CCNA2: variants seen among roughly 807,000 people sequenced by gnomAD.
CCNA2 encodes the protein cyclin-A2.
CCNA2 carries 3 observed loss-of-function variants against 49.4 expected under a neutral mutation model. The ratio of observed to expected loss-of-function variants is 0.06; its 90% CI spans 0.03 to 0.16. The LOEUF is 0.16. CCNA2 is among the 10% of genes least tolerant of loss of function. CCNA2 has a pLI of 1.00. For missense variants in CCNA2, 372 were observed against 519.7 expected (o/e 0.72, Z 2.76); for synonymous variants, 206 against 197.2 (o/e 1.04, Z -0.37).
Position 121,823,432 on chromosome 4 carries a change from C to G in CCNA2, c.197G>C (p.Arg66Thr). 6.2e-7 allele frequency: 1 copy of G among 1,612,370 alleles called. No individual in the cohort carries two copies. Among genetic ancestry groups the G allele is most frequent in the Non-Finnish European group, 8.5e-7 (1 of 1,179,142 alleles). ...TCCCTTTACCCGTCTCGTCTTCGGC[C>G]TCTGCTGCTGCGCTAGACCCCGCGG... is the stretch of plus-strand genomic sequence containing the variant. ...GNPRGLAQQQRPKTRRVAPLK... is the reference protein window; with the variant it reads ...GNPRGLAQQQTPKTRRVAPLK... Residue 66 changes from arginine (R) to threonine (T), a missense_variant, in exon 1 of 8, where the codon AGG becomes ACG. This residue lies in a region of CCNA2 where 217 missense variants were observed against 231.7 expected (regional missense o/e 0.94). Coordinates refer to ENST00000274026, the MANE Select transcript of CCNA2 (RefSeq NM_001237.5).
chr4:121,818,608 AT>A lies in CCNA2; in HGVS notation c.1116+191del, dbSNP rs1724610522. 3.3e-5 allele frequency among the ~76,000 whole-genome samples: 5 copies of A among 152,168 alleles called. No individual in the cohort carries two copies. The South Asian group carries it at 8.3e-4, about 25-fold the overall frequency. ...ATACTGTAGTTTCAGTCCACATTTGATTGGAAAAAAATCCATGTGTAAGTGG... is the reference window on the plus strand; with the variant it reads ...ATACTGTAGTTTCAGTCCACATTTGATGGAAAAAAATCCATGTGTAAGTGG... On this transcript the variant is annotated intron_variant, in intron 6 of 7. Coordinates refer to ENST00000274026, the MANE Select transcript of CCNA2 (RefSeq NM_001237.5).
intron 5 of CCNA2, 65 bp downstream of exon 5, chr4:121,819,307 G>GA: frequency 8.1e-7 from 1 of 1,228,340 alleles, no homozygotes; most frequent in Non-Finnish European, 1.2e-6. Flanking sequence ...CTTTACAAAG[G>GA]AATTAGGGCT....
chr4:121,816,982 T>A lies in CCNA2; in HGVS notation c.*656A>T, dbSNP rs534409022. 2.1e-5 allele frequency: 20 copies of A among 967,958 alleles called. No individual in the cohort carries two copies. The highest frequency in any genetic ancestry group is 2.8e-5 in the Non-Finnish European group (19 of 689,702). 60.0% of individuals were successfully genotyped at this position (967,958 alleles called of 1,614,324 possible). Reference sequence around the variant, plus strand: ...TAGCAGGATTTTAAAAATAGTTTTTTGTTTTTAATGTGCTTTAAAATAATA... The same window carrying A: ...TAGCAGGATTTTAAAAATAGTTTTTAGTTTTTAATGTGCTTTAAAATAATA... On this transcript the variant is annotated 3_prime_UTR_variant, in exon 8 of 8. Transcript: ENST00000274026.
At chr4:121,818,242 A>C in intron 6 of CCNA2, 65 bp from the exon 7 acceptor site, 1 of 1,419,804 alleles carries the variant, frequency 7.0e-7, no homozygotes, top group African/African-American at 1.4e-5. Flanking sequence ...CACAGTAAAT[A>C]GTTGGCATTA....
Position 121,823,660 on chromosome 4 carries a change from C to T in CCNA2, c.-32G>A. The T allele has an allele frequency of 6.5e-7, 1 of 1,537,338 alleles. No homozygotes were observed. The highest frequency in any genetic ancestry group is 8.7e-7 in the Non-Finnish European group (1 of 1,145,708). ...TCCCGGGAGTGGACGGCGGGATCAGCCTGCGGCGCCAAGCAGCGTGCACTC... is the reference window on the plus strand; with the variant it reads ...TCCCGGGAGTGGACGGCGGGATCAGTCTGCGGCGCCAAGCAGCGTGCACTC... On this transcript the variant is annotated 5_prime_UTR_variant, in exon 1 of 8. Coordinates refer to ENST00000274026, the MANE Select transcript of CCNA2 (RefSeq NM_001237.5).
rs1724566315 is a variant in CCNA2 at position 121,817,431 on chromosome 4, C to CTT, written c.*205_*206dup. The CTT allele has an allele frequency of 2.0e-6, 1 of 497,586 alleles. No homozygotes were observed. Among genetic ancestry groups the CTT allele is most frequent in the Admixed American group, 3.8e-5 (1 of 26,544 alleles). The allele number at this position is 497,586 out of a possible 1,614,324, so 30.8% of individuals were successfully genotyped here. A position where few individuals can be genotyped will look rare whatever the true frequency, so the allele number is the denominator to read the frequency against. The stretch of plus-strand genomic sequence containing the variant: ...CATCATTAATACTTTAACAAAACCA[C>CTT]TTAAAATTAGCCAAATATCTAAGAC... On this transcript the variant is annotated 3_prime_UTR_variant, in exon 8 of 8. Coordinates refer to ENST00000274026, the MANE Select transcript of CCNA2 (RefSeq NM_001237.5).
intron 6 of CCNA2, among the ~76,000 whole-genome samples, chr4:121,818,460 A>G (rs3217770): frequency 0.04 from 6,140 of 152,236 alleles, 403 homozygotes; most frequent in African/African-American, 0.14. Context: ...CTTAAACAGT[A>G]TATAATCATC....
chr4:121,823,205 CG>C (rs1253329607), intron 1 of CCNA2, among the ~76,000 whole-genome samples: 1 of 152,070 alleles, frequency 6.6e-6, no homozygotes, highest in African/African-American at 2.4e-5. Flanking sequence ...GAGAGCAGAC[CG>C]GCAGCATACA....
At chr4:121,822,936 T>C (rs957290246) in intron 1 of CCNA2, among the ~76,000 whole-genome samples, 1 of 152,104 alleles carries the variant, frequency 6.6e-6, no homozygotes, top group South Asian at 2.1e-4. Flanking sequence ...AGCAAAAAAA[T>C]TGTTGGTTCA....
At position 121,820,713 on chromosome 4, in the gene CCNA2, T is replaced by C; in HGVS notation, c.623A>G (p.Asn208Ser). 2 of 1,614,052 alleles carry C rather than the reference T, an allele frequency of 1.2e-6. No individual in the cohort carries two copies. Among genetic ancestry groups the C allele is most frequent in the South Asian group, 1.1e-5 (1 of 91,072 alleles). The change falls in exon 4 of 8, where the codon AAC becomes AGC. Residue 208 changes from asparagine to serine, a missense_variant. Asn to Ser is a conservative substitution (Grantham distance 46, BLOSUM62 1). Transcript: ENST00000274026. This position sits in a 1 kb window ranked among gnomAD's most constrained non-coding sequence, Gnocchi z 4.1. ...GTCCACGAGGATAGCTCTCATACTG[T>C]TAGTGATGTCTGGCTGTTTCTTCAT... ...GYMKKQPDIT[N>S]SMRAILVDWL...
At position 121,823,787 on chromosome 4, in the gene CCNA2, G is replaced by C. The variant is rs769238; in HGVS notation, c.-159C>G. The C allele has an allele frequency of 2.0e-5, 27 of 1,370,864 alleles. No individual in the cohort carries two copies. Among genetic ancestry groups the C allele is most frequent in the Non-Finnish European group, 2.4e-5 (25 of 1,043,142 alleles). 84.9% of individuals were successfully genotyped at this position (1,370,864 alleles called of 1,614,324 possible). A position where few individuals can be genotyped will look rare whatever the true frequency, so the allele number is the denominator to read the frequency against. ...GCCCGCCCGCTCGCTCACCCAGCTC[G>C]AGACCACGCAGGGCCGAGGAGGTTG... On this transcript the variant is annotated 5_prime_UTR_variant, in exon 1 of 8. Coordinates refer to ENST00000274026, the MANE Select transcript of CCNA2 (RefSeq NM_001237.5).
rs1172065497 is a variant in CCNA2 at position 121,820,840 on chromosome 4, T to C, written c.571-75A>G. The C allele has an allele frequency of 4.0e-6, 5 of 1,242,538 alleles. No homozygotes were observed. Among genetic ancestry groups the C allele is most frequent in the Non-Finnish European group, 4.6e-6 (4 of 867,018 alleles). The allele number at this position is 1,242,538 out of a possible 1,614,324, so 77.0% of individuals were successfully genotyped here. On this transcript the variant is annotated intron_variant, in intron 3 of 7. Transcript: ENST00000274026. This position sits in a 1 kb window ranked among gnomAD's most constrained non-coding sequence, Gnocchi z 4.1. ...GCAATTAGATTATTTTACCATTAAT[T>C]ACGAGAGGCTACATGCTATAAACTT...
intron 7 of CCNA2, 83 bp from the exon 8 acceptor site, chr4:121,817,769 T>G: frequency 6.4e-7 from 1 of 1,568,452 alleles, no homozygotes; most frequent in Non-Finnish European, 8.7e-7. Flanking sequence ...TACTCATGTA[T>G]TGGGAACTAA....
At chr4:121,819,890 CTT>C (rs3217766) in intron 4 of CCNA2, among the ~76,000 whole-genome samples, 1,691 of 150,714 alleles carry the variant, frequency 0.011, 16 homozygotes, top group Non-Finnish European at 0.019. Flanking sequence ...AAATACAAGT[CTT>C]AGGAAAACAT....
chr4:121,820,014 C>T lies in CCNA2; in HGVS notation c.795-435G>A, dbSNP rs188724135. Among the ~76,000 whole-genome samples the T allele has an allele frequency of 4.4e-4, 65 of 148,720 alleles. No homozygotes were observed. The highest frequency in any genetic ancestry group is 1.3e-3 in the African/African-American group (51 of 40,440). ...AGAGTGCAGTGGTGCAATCTTAGCT[C>T]GCTGCAACTTCCACCTCCTGGGTTC... On this transcript the variant is annotated intron_variant, in intron 4 of 7. Transcript: ENST00000274026. The surrounding 1 kb of genome is among the most constrained non-coding windows in gnomAD (Gnocchi z 4.1).
intron 6 of CCNA2, 93 bp downstream of exon 6, chr4:121,818,707 C>A: frequency 2.4e-6 from 2 of 816,766 alleles, no homozygotes; most frequent in East Asian, 2.6e-5. Context: ...GTAAGAACAT[C>A]TAGGCAACCC....
chr4:121,822,682 A>G, intron 1 of CCNA2, 36 bp from the exon 2 acceptor site: 1 of 1,597,320 alleles, frequency 6.3e-7, no homozygotes, highest in Non-Finnish European at 8.5e-7. Flanking sequence ...TGAGCCTACT[A>G]GTCTTGCATT....
chr4:121,823,265 G>T, intron 1 of CCNA2, 151 bp downstream of exon 1: 1 of 954,370 alleles, frequency 1.0e-6, no homozygotes, highest in Non-Finnish European at 1.5e-6. Flanking sequence ...CTCCTACTGT[G>T]GCAAACCACA....
At position 121,823,614 on chromosome 4, in the gene CCNA2, A is replaced by G. The variant is rs2149043777; in HGVS notation, c.15T>C (p.Ser5=). 1.3e-6 allele frequency: 2 copies of G among 1,594,102 alleles called. No homozygotes were observed. Among genetic ancestry groups the G allele is most frequent in the African/African-American group, 1.3e-5 (1 of 74,894 alleles). Residue 5 remains serine (S), a synonymous_variant, in exon 1 of 8, where the codon TCT becomes TCC. Coordinates refer to ENST00000274026, the MANE Select transcript of CCNA2 (RefSeq NM_001237.5). The stretch of plus-strand genomic sequence containing the variant: ...CCTCGCGGGTCGCAGGCCCCGGCGC[A>G]GAGTTGCCCAACATCACTGCTCCCG... MLGN[S]APGPATREAG...
Sources: allele counts gnomAD v4.1 joint callset (sites outside exome capture counted in the v4.1 genomes callset), GRCh38; gene constraint gnomAD v4.1.1; regional missense constraint gnomAD v4.1.1; non-coding constraint Gnocchi (gnomAD v3.1); transcripts MANE v1.5; gene names NCBI Gene and HGNC (gene_info 2026-07-23, HGNC 2026-07-21).